KRT8: variants seen among roughly 807,000 people sequenced by gnomAD.
KRT8 encodes the protein keratin 8.
In KRT8, 24 loss-of-function variants were observed where a neutral mutation model predicts 43.0. That is an observed-to-expected ratio of 0.56 (90% CI 0.40 to 0.78). The LOEUF is 0.78. Ranked by LOEUF, KRT8 falls within the 30% of genes least tolerant of loss-of-function variation. KRT8 has a pLI of 0.00. For missense variants in KRT8, 492 were observed against 638.4 expected (o/e 0.77, Z 2.47); for synonymous variants, 214 against 261.2 (o/e 0.82, Z 1.74).
chr12:52,898,438 T>A, intron 7 of KRT8, 23 bp downstream of exon 7: 1 of 1,609,410 alleles, frequency 6.2e-7, no homozygotes, highest in Non-Finnish European at 8.5e-7. Context: ...CCCGCCCTCA[T>A]CCCAGGGCCC....
intron 5 of KRT8, among the ~76,000 whole-genome samples, chr12:52,899,542 C>T (rs964890939): frequency 6.6e-6 from 1 of 152,066 alleles, no homozygotes; most frequent in African/African-American, 2.4e-5. Context: ...ATCACGAGCC[C>T]CAACATACCT....
chr12:52,902,083 G>C lies in KRT8; in HGVS notation c.325-11C>G, dbSNP rs748171794. 1.9e-6 allele frequency: 3 copies of C among 1,581,254 alleles called. No homozygotes were observed. Among genetic ancestry groups the C allele is most frequent in the Admixed American group, 1.7e-5 (1 of 59,978 alleles). On this transcript the variant is annotated splice_polypyrimidine_tract_variant and intron_variant, in intron 1 of 7. Transcript: ENST00000692008. Reference sequence around the variant, plus strand: ...CTCCAGGAACCGTACCTATACGAAGGAGGAGAGAGCAAAAAGGTCTACATC... The same window carrying C: ...CTCCAGGAACCGTACCTATACGAAGCAGGAGAGAGCAAAAAGGTCTACATC...
At chr12:52,926,232 C>T (rs1388654567) in intron 2 of KRT8, among the ~76,000 whole-genome samples, 1 of 143,940 alleles carries the variant, frequency 6.9e-6, no homozygotes, top group Non-Finnish European at 1.5e-5. Context: ...CTGCTTTGAT[C>T]CTGTCACTCC....
intron 2 of KRT8, 181 bp downstream of exon 2, chr12:52,901,683 A>AG (rs1178371008): frequency 1.8e-5 from 11 of 628,466 alleles, no homozygotes; most frequent in Non-Finnish European, 2.6e-5. Context: ...ACTATCAACA[A>AG]TTGTGCTAGG....
chr12:52,904,886 G>A, exon 1 of KRT8: 1 of 1,612,886 alleles, frequency 6.2e-7, no homozygotes, highest in Non-Finnish European at 8.5e-7. Context: ...AGGAGCTGAT[G>A]CGGGAACCGG....
chr12:52,930,343 G>A (rs571374731), intron 2 of KRT8, among the ~76,000 whole-genome samples: 9 of 152,076 alleles, frequency 5.9e-5, no homozygotes, highest in Admixed American at 5.9e-4. Flanking sequence ...TCACCCTCCT[G>A]AGTAGCTGGG....
chr12:52,929,802 A>G (rs1199201301), intron 2 of KRT8, among the ~76,000 whole-genome samples: 2 of 152,058 alleles, frequency 1.3e-5, no homozygotes. Context: ...CCACCTCTTC[A>G]GGCCAATTCC....
intron 2 of KRT8, among the ~76,000 whole-genome samples, chr12:52,930,848 C>T (rs1435614087): frequency 6.6e-6 from 1 of 152,216 alleles, no homozygotes; most frequent in Non-Finnish European, 1.5e-5. Flanking sequence ...GCATGAACCT[C>T]TGTACCCAGC....
upstream of KRT8, among the ~76,000 whole-genome samples, chr12:52,909,515 T>C (rs1427417731): frequency 6.6e-6 from 1 of 152,250 alleles, no homozygotes; most frequent in Non-Finnish European, 1.5e-5. Flanking sequence ...TTTTTCATTG[T>C]CAAAGCTTAG....
intron 2 of KRT8, among the ~76,000 whole-genome samples, chr12:52,929,598 A>G (rs1942052116): frequency 6.6e-6 from 1 of 150,520 alleles, no homozygotes; most frequent in African/African-American, 2.4e-5. Context: ...AATCCTTTTT[A>G]TCTATTCACC....
At chr12:52,913,778 C>T (rs574720707) in intron 2 of KRT8, among the ~76,000 whole-genome samples, 12 of 152,362 alleles carry the variant, frequency 7.9e-5, no homozygotes, top group African/African-American at 2.4e-4. Flanking sequence ...GTCCCGTGCA[C>T]ACCACCTTCC....
chr12:52,897,343 C>A, exon 8 of KRT8: 2 of 1,271,932 alleles, frequency 1.6e-6, no homozygotes, highest in Non-Finnish European at 2.3e-6. Flanking sequence ...GTCTCCTGTT[C>A]CCAGTGCTAC....
chr12:52,944,391 G>A (rs752672923), intron 2 of KRT8, among the ~76,000 whole-genome samples: 7 of 152,158 alleles, frequency 4.6e-5, no homozygotes, highest in Non-Finnish European at 8.8e-5. Flanking sequence ...CCACCTGGCC[G>A]AATCCAGGTC....
chr12:52,924,905 G>A (rs1941960462), intron 2 of KRT8, among the ~76,000 whole-genome samples: 1 of 152,328 alleles, frequency 6.6e-6, no homozygotes, highest in East Asian at 1.9e-4. Context: ...GGAGTGAAAG[G>A]GTAGACTGAA....
chr12:52,900,111 G>C, intron 4 of KRT8, 46 bp from the exon 5 acceptor site: 1 of 1,598,880 alleles, frequency 6.3e-7, no homozygotes, highest in Non-Finnish European at 8.5e-7. Context: ...TCTGCACACA[G>C]GGAGCCCCCT....
In KRT8 at chr12:52,899,932, C is replaced by T. The variant is rs752853262; in HGVS notation, c.824G>A (p.Arg275Gln). 10 of 1,613,246 alleles carry T rather than the reference C, an allele frequency of 6.2e-6. No homozygotes were observed. The highest frequency in any genetic ancestry group is 3.3e-5 in the South Asian group (3 of 91,036). ...CTGGTACATGCTCTCAGCCTCAGCC[C>T]GGCTGCGGTTGGCAATATCCTCGTA... Residue 275 changes from arginine (R) to glutamine (Q), a missense_variant, in exon 5 of 8, where the codon CGG becomes CAG. Coordinates refer to ENST00000692008, the Ensembl canonical transcript of KRT8.
At chr12:52,926,785 A>G (rs918056888) in intron 2 of KRT8, among the ~76,000 whole-genome samples, 6 of 152,218 alleles carry the variant, frequency 3.9e-5, no homozygotes, top group African/African-American at 1.4e-4. Flanking sequence ...TAATGTGCCC[A>G]GCAAGTAGTA....
intron 2 of KRT8, among the ~76,000 whole-genome samples, chr12:52,934,924 G>A (rs1158678309): frequency 6.6e-6 from 1 of 151,588 alleles, no homozygotes; most frequent in African/African-American, 2.4e-5. Context: ...AGCCGAGGTC[G>A]CACCATTGCA....
rs1288679778 is a variant in KRT8 at position 52,902,002 on chromosome 12, GC to G, written c.394del (p.Ala132LeufsTer28). The G allele has an allele frequency of 6.2e-7, 1 of 1,603,318 alleles. No individual in the cohort carries two copies. The highest frequency in any genetic ancestry group is 1.7e-5 in the Admixed American group (1 of 60,002). ...GAACATGTTGTCCATGTTGCTTCGA[GC>G]CGTCTTCTGCTGCTGCAGGAGGCTC... On this transcript the variant is annotated frameshift_variant, in exon 2 of 8. Transcript: ENST00000692008. LOFTEE classifies it high-confidence loss of function.
Sources: gnomAD v4.1 joint callset for allele counts (sites outside exome capture counted in the v4.1 genomes callset) on GRCh38, gnomAD v4.1.1 for gene constraint, MANE v1.5 for transcripts, NCBI Gene and HGNC (gene_info 2026-07-23, HGNC 2026-07-21) for gene names.